Variants in RACGAP1 observed in about 807,000 individuals in gnomAD.
The protein encoded by RACGAP1 is Rac GTPase activating protein 1.
A neutral mutation model predicts 78.1 loss-of-function variants in RACGAP1; 30 were observed. The ratio of observed to expected loss-of-function variants is 0.38; its 90% confidence interval spans 0.29 to 0.52. The LOEUF is 0.52. RACGAP1 is among the 20% of genes least tolerant of loss of function. RACGAP1 has a pLI of 0.82. For missense variants in RACGAP1, 587 were observed against 777.1 expected (o/e 0.76, Z 2.91); for synonymous variants, 231 against 264.8 (o/e 0.87, Z 1.24).
chr12:50,000,598 C>T (rs990535808), intron 7 of RACGAP1, among the ~76,000 whole-genome samples: 5 of 152,058 alleles, frequency 3.3e-5, no homozygotes, highest in African/African-American at 9.7e-5. Flanking sequence ...GAGACTCCCC[C>T]TCTACTTTAA....
chr12:50,023,347 T>C (rs935434835), intron 1 of RACGAP1, among the ~76,000 whole-genome samples: 3 of 152,248 alleles, frequency 2.0e-5, no homozygotes, highest in African/African-American at 7.2e-5. Context: ...GTTATCTTTT[T>C]AAGTTCTGTT....
intron 1 of RACGAP1, among the ~76,000 whole-genome samples, chr12:50,023,435 T>C (rs1198950002): frequency 1.3e-5 from 2 of 152,176 alleles, no homozygotes; most frequent in Admixed American, 6.6e-5. Flanking sequence ...GAAATACCTA[T>C]TGAATGAAAG....
At chr12:50,006,043 T>C (rs1009897508) in intron 3 of RACGAP1, among the ~76,000 whole-genome samples, 1 of 152,194 alleles carries the variant, frequency 6.6e-6, no homozygotes, top group Non-Finnish European at 1.5e-5. Flanking sequence ...CCTGTATGTA[T>C]GACAAAGTAC....
Position 50,006,507 on chromosome 12 carries a change from A to G in RACGAP1, c.215T>C (p.Leu72Pro). 6.2e-7 allele frequency: 1 copy of G among 1,614,164 alleles called. No individual in the cohort carries two copies. Among genetic ancestry groups the G allele is most frequent in the Non-Finnish European group, 8.5e-7 (1 of 1,180,018 alleles). Residue 72 changes from leucine (L) to proline (P), a missense_variant, in exon 3 of 17, where the codon CTG (leucine) becomes CCG (proline). Coordinates refer to ENST00000312377, the MANE Select transcript of RACGAP1 (RefSeq NM_001319999.2). Reference sequence around the variant, plus strand: ...ATCCACCTGATTACGTGCATGCTTCAGCTTAACATCCAGAGCACTTCGCTC... The same window carrying G: ...ATCCACCTGATTACGTGCATGCTTCGGCTTAACATCCAGAGCACTTCGCTC... ...ETERSALDVK[L>P]KHARNQVDVE...
Position 50,002,318 on chromosome 12 carries a change from G to C in RACGAP1, c.496-18C>G. 6.2e-7 allele frequency: 1 copy of C among 1,606,636 alleles called. No individual in the cohort carries two copies. Among genetic ancestry groups the C allele is most frequent in the Admixed American group, 1.7e-5 (1 of 58,558 alleles). Reference sequence around the variant, plus strand: ...TCCCAATCCTGTTGACAATTACACTGTATTAATTTCTTTTTTTGGTTAGGC... The same window carrying C: ...TCCCAATCCTGTTGACAATTACACTCTATTAATTTCTTTTTTTGGTTAGGC... On this transcript the variant is annotated intron_variant, in intron 5 of 16. Transcript: ENST00000312377.
intron 1 of RACGAP1, among the ~76,000 whole-genome samples, chr12:50,032,213 T>C (rs2137781123): frequency 6.6e-6 from 1 of 152,270 alleles, no homozygotes; most frequent in Admixed American, 6.5e-5. Flanking sequence ...AAATGAGTTA[T>C]CCTTATAAAA....
intron 7 of RACGAP1, 29 bp downstream of exon 7, chr12:50,001,141 ATC>A (rs751715212): frequency 2.0e-6 from 3 of 1,503,392 alleles, no homozygotes; most frequent in Non-Finnish European, 2.8e-6. Flanking sequence ...GGGGCCAGTA[ATC>A]TCTGTTACCT....
At chr12:50,002,571 A>G (rs1004378667) in intron 5 of RACGAP1, 6 of 313,996 alleles carry the variant, frequency 1.9e-5, no homozygotes, top group African/African-American at 8.5e-5. Context: ...AAATTCTGCC[A>G]TATTTCCAGT....
chr12:50,027,055 A>G (rs1003046360), upstream of RACGAP1, among the ~76,000 whole-genome samples: 2 of 152,222 alleles, frequency 1.3e-5, no homozygotes, highest in Non-Finnish European at 2.9e-5. Context: ...TCCTCCAAGT[A>G]TAATGTAGAA....
intron 1 of RACGAP1, among the ~76,000 whole-genome samples, chr12:50,025,115 A>T (rs1278525160): frequency 6.6e-6 from 1 of 151,942 alleles, no homozygotes; most frequent in African/African-American, 2.4e-5. Flanking sequence ...CTTGTTTAGG[A>T]TGACTCCTGC....
intron 9 of RACGAP1, 82 bp downstream of exon 9, chr12:49,999,059 A>T: frequency 7.0e-7 from 1 of 1,436,664 alleles, no homozygotes; most frequent in Non-Finnish European, 9.2e-7. Context: ...ACTTTATAAC[A>T]CTAAAGTATT....
Position 50,032,946 on chromosome 12 carries a change from C to T in RACGAP1, c.-195+24G>A, listed in dbSNP as rs534753380. On this transcript the variant is annotated intron_variant, in intron 1 of 3. Coordinates refer to the RACGAP1 transcript ENST00000548247. ...GTGGTTGCGGGTGACCTCCCGAGCG[C>T]GCCCGTACCCCACCGGCCCTCACCT... The T allele has an allele frequency of 4.6e-5, 7 of 152,266 alleles. No homozygotes were observed. The East Asian group carries it at 9.7e-4, about 21-fold the overall frequency. The allele number at this position is 152,266 out of a possible 1,614,324, so 9.4% of individuals were successfully genotyped here.
chr12:49,994,070 G>C, intron 12 of RACGAP1, 61 bp downstream of exon 12: 3 of 1,406,526 alleles, frequency 2.1e-6, no homozygotes, highest in Non-Finnish European at 2.9e-6. Context: ...AAAAAATAAA[G>C]AGAGTAAGAA....
At chr12:50,018,727 C>CA in intron 1 of RACGAP1, 1 of 304,120 alleles carries the variant, frequency 3.3e-6, no homozygotes, top group Non-Finnish European at 5.8e-6. Context: ...TCCAAGAATT[C>CA]AAAAAGGAAA....
chr12:50,032,545 G>A (rs978061384), intron 1 of RACGAP1, among the ~76,000 whole-genome samples: 288 of 151,996 alleles, frequency 1.9e-3, no homozygotes, highest in Non-Finnish European at 3.6e-3. Context: ...GAGTGTGTGT[G>A]TGTGTGTGTG....
At chr12:50,004,372 G>C in intron 4 of RACGAP1, 68 bp from the exon 5 acceptor site, 3 of 1,546,822 alleles carry the variant, frequency 1.9e-6, no homozygotes, top group Non-Finnish European at 2.6e-6. Flanking sequence ...CCAACATTCA[G>C]AACAAGTCCT....
intron 2 of RACGAP1, among the ~76,000 whole-genome samples, chr12:50,031,427 C>T (rs983222204): frequency 1.8e-4 from 23 of 129,944 alleles, no homozygotes; most frequent in Non-Finnish European, 2.3e-4. Flanking sequence ...TGCAGTGAGC[C>T]GAGATTGCAC....
upstream of RACGAP1, among the ~76,000 whole-genome samples, chr12:50,028,779 T>A (rs963542232): frequency 3.4e-5 from 5 of 147,602 alleles, no homozygotes; most frequent in African/African-American, 5.0e-5. Context: ...CTCAAAAAAA[T>A]AAAAATAAAA....
Position 50,000,038 on chromosome 12 carries a change from G to A in RACGAP1, c.631-305C>T, listed in dbSNP as rs1948571800. Among the ~76,000 whole-genome samples, 3 of 3,158 alleles carry A rather than the reference G, an allele frequency of 9.5e-4. No homozygotes were observed. The South Asian group carries it at 0.21, about 226-fold the overall frequency. The allele number at this position is 3,158 out of a possible 152,430, so 2.1% of individuals were successfully genotyped here. A position where few individuals can be genotyped will look rare whatever the true frequency, so the allele number is the denominator to read the frequency against. ...GACTGATTTTTTTTTTTTTGAGACGGAGTCTCGCTGTGTCGCCCACGCTGG... is the reference window on the plus strand; with the variant it reads ...GACTGATTTTTTTTTTTTTGAGACGAAGTCTCGCTGTGTCGCCCACGCTGG... On this transcript the variant is annotated intron_variant, in intron 7 of 16. Coordinates refer to ENST00000312377, the MANE Select transcript of RACGAP1 (RefSeq NM_001319999.2).
Sources: allele counts gnomAD v4.1 joint callset (sites outside exome capture counted in the v4.1 genomes callset), GRCh38; gene constraint gnomAD v4.1.1; transcripts MANE v1.5; gene names NCBI Gene and HGNC (gene_info 2026-07-23, HGNC 2026-07-21).